TNFSF4: variants seen among roughly 807,000 people sequenced by gnomAD.
TNFSF4 encodes the protein tumor necrosis factor ligand superfamily member 4.
Under a neutral mutation model 7.3 loss-of-function variants are expected in TNFSF4, and 4 were observed. That is an observed-to-expected ratio of 0.55 (90% confidence interval 0.27 to 1.25). TNFSF4 has a LOEUF of 1.25. TNFSF4 is among the 50% of genes most tolerant of loss of function. The pLI, the probability that TNFSF4 is intolerant of heterozygous loss-of-function variation, is 0.12. For synonymous variants in TNFSF4, 76 were observed against 83.7 expected, an observed-to-expected ratio of 0.91 and a Z score of 0.50; for missense variants, 181 against 208.8, an observed-to-expected ratio of 0.87 and a Z score of 0.82.
the TNFSF4 span, among the ~76,000 whole-genome samples, chr1:173,307,925 G>A: frequency 6.6e-6 from 1 of 151,878 alleles, no homozygotes; most frequent in Non-Finnish European, 1.5e-5. Context: ...AATTATGCAT[G>A]ATTAGGCTCA....
chr1:173,333,835 G>A, the TNFSF4 span, among the ~76,000 whole-genome samples: 1 of 152,118 alleles, frequency 6.6e-6, no homozygotes, highest in Admixed American at 6.6e-5. Flanking sequence ...GGCTTTTCCT[G>A]TGTCTTAAGT....
At chr1:173,356,989 G>C in the TNFSF4 span, among the ~76,000 whole-genome samples, 1 of 152,160 alleles carries the variant, frequency 6.6e-6, no homozygotes, top group Non-Finnish European at 1.5e-5. Flanking sequence ...GATAGCTGGG[G>C]ACCCATTTGG....
At chr1:173,217,105 A>T in the TNFSF4 span, among the ~76,000 whole-genome samples, 7 of 151,538 alleles carry the variant, frequency 4.6e-5, no homozygotes, top group South Asian at 8.4e-4. Context: ...GAATAATTAC[A>T]CTCTTCTCTT....
the TNFSF4 span, among the ~76,000 whole-genome samples, chr1:173,405,522 T>C: frequency 6.6e-6 from 1 of 152,186 alleles, no homozygotes; most frequent in Non-Finnish European, 1.5e-5. Context: ...TGCCAAGATA[T>C]TTGAGGGCAC....
chr1:173,402,848 T>C, the TNFSF4 span, among the ~76,000 whole-genome samples: 1 of 149,550 alleles, frequency 6.7e-6, no homozygotes, highest in Non-Finnish European at 1.5e-5. Flanking sequence ...GGCCTGAGAA[T>C]TTGCATTTTT....
the TNFSF4 span, among the ~76,000 whole-genome samples, chr1:173,400,461 CA>C: frequency 2.0e-5 from 3 of 152,208 alleles, no homozygotes; most frequent in African/African-American, 4.8e-5. Flanking sequence ...CCTGTTCCTT[CA>C]ACTTTATGTT....
the TNFSF4 span, among the ~76,000 whole-genome samples, chr1:173,347,873 C>G: frequency 6.6e-6 from 1 of 152,230 alleles, no homozygotes; most frequent in Non-Finnish European, 1.5e-5. Context: ...CCTCTACTCA[C>G]TAGACGCCAG....
chr1:173,342,917 A>G, the TNFSF4 span, among the ~76,000 whole-genome samples: 1 of 152,304 alleles, frequency 6.6e-6, no homozygotes, highest in African/African-American at 2.4e-5. Flanking sequence ...AGTCATTACC[A>G]CCATCAACAA....
At chr1:173,268,278 G>A in the TNFSF4 span, among the ~76,000 whole-genome samples, 1 of 152,078 alleles carries the variant, frequency 6.6e-6, no homozygotes, top group Non-Finnish European at 1.5e-5. Flanking sequence ...TTCACTTCAT[G>A]AGGTTCATTA....
At chr1:173,203,613 T>C (rs985572638) in intron 1 of TNFSF4, among the ~76,000 whole-genome samples, 1 of 152,224 alleles carries the variant, frequency 6.6e-6, no homozygotes, top group African/African-American at 2.4e-5. Flanking sequence ...CTGTGAATTC[T>C]AATTCCAGCT....
At chr1:173,380,686 C>T in the TNFSF4 span, among the ~76,000 whole-genome samples, 4 of 152,244 alleles carry the variant, frequency 2.6e-5, no homozygotes, top group African/African-American at 9.6e-5. Context: ...CGAATGGTTC[C>T]TAGTAGATAC....
chr1:173,318,024 A>G, the TNFSF4 span, among the ~76,000 whole-genome samples: 2 of 152,246 alleles, frequency 1.3e-5, no homozygotes, highest in African/African-American at 2.4e-5. Context: ...AGGAAGGATC[A>G]CAAATCACTG....
the TNFSF4 span, among the ~76,000 whole-genome samples, chr1:173,335,491 G>A: frequency 6.6e-6 from 1 of 152,162 alleles, no homozygotes; most frequent in Non-Finnish European, 1.5e-5. Flanking sequence ...AACAGCCAAA[G>A]GCAAGGGGGA....
the TNFSF4 span, among the ~76,000 whole-genome samples, chr1:173,217,019 A>G: frequency 6.6e-6 from 1 of 152,108 alleles, no homozygotes; most frequent in African/African-American, 2.4e-5. Context: ...CCAGGTCCCA[A>G]AAATCCCTCT....
the TNFSF4 span, among the ~76,000 whole-genome samples, chr1:173,436,522 G>T: frequency 6.6e-6 from 1 of 152,144 alleles, no homozygotes; most frequent in African/African-American, 2.4e-5. Context: ...CAACTCTCCT[G>T]CCTCAGCCTC....
chr1:173,219,250 T>C, the TNFSF4 span, among the ~76,000 whole-genome samples: 1 of 152,222 alleles, frequency 6.6e-6, no homozygotes, highest in Non-Finnish European at 1.5e-5. Flanking sequence ...ATTGGTTAAA[T>C]TCTTTATCAC....
At chr1:173,380,083 A>G in the TNFSF4 span, among the ~76,000 whole-genome samples, 1 of 152,148 alleles carries the variant, frequency 6.6e-6, no homozygotes, top group Non-Finnish European at 1.5e-5. Context: ...CTCAGTGTTA[A>G]TCTCCTGTCC....
the TNFSF4 span, among the ~76,000 whole-genome samples, chr1:173,270,717 T>C: frequency 6.6e-6 from 1 of 152,154 alleles, no homozygotes; most frequent in East Asian, 1.9e-4. Context: ...GAGCTAAGCC[T>C]AAAGAAAAGG....
chr1:173,327,338 A>T, the TNFSF4 span, among the ~76,000 whole-genome samples: 9 of 152,354 alleles, frequency 5.9e-5, no homozygotes, highest in Admixed American at 2.6e-4. Flanking sequence ...CTTACACCTT[A>T]TACAAAAATT....
Sources: allele counts gnomAD v4.1 joint callset (sites outside exome capture counted in the v4.1 genomes callset), GRCh38; gene constraint gnomAD v4.1.1; transcripts MANE v1.5; gene names NCBI Gene and HGNC (gene_info 2026-07-23, HGNC 2026-07-21).